SERPINB8: variants seen among roughly 807,000 people sequenced by gnomAD.
SERPINB8 encodes serpin B8.
A neutral mutation model predicts 35.3 loss-of-function variants in SERPINB8; 25 were observed. That is an observed-to-expected ratio of 0.71 (90% CI 0.52 to 0.99). SERPINB8 has a LOEUF of 0.99. SERPINB8 is among the 50% of genes least tolerant of loss of function. SERPINB8 has a pLI of 0.00. For synonymous variants in SERPINB8, 186 were observed against 160.8 expected, an observed-to-expected ratio of 1.16 and a Z score of -1.19; for missense variants, 484 against 446.5, an observed-to-expected ratio of 1.08 and a Z score of -0.76.
downstream of SERPINB8, among the ~76,000 whole-genome samples, chr18:63,990,493 T>G (rs1032806909): frequency 5.3e-5 from 8 of 152,336 alleles, no homozygotes; most frequent in African/African-American, 1.9e-4. Flanking sequence ...CATTTCTTTT[T>G]TTTTTCAATC....
At chr18:64,018,831 G>A (rs1209621619) in intron 7 of SERPINB8, 1 of 152,138 alleles carries the variant, frequency 6.6e-6, no homozygotes, top group African/African-American at 2.4e-5. Context: ...AAGATCATCA[G>A]AATACTTCAG....
intron 6 of SERPINB8, 149 bp from the exon 7 acceptor site, chr18:63,986,725 G>A (rs1568277498): frequency 1.6e-5 from 22 of 1,404,120 alleles, no homozygotes; most frequent in Non-Finnish European, 2.1e-5. Context: ...GAAAATCTTG[G>A]TGTGTTTATA....
chr18:64,012,622 TA>T (rs947825826), intron 7 of SERPINB8, among the ~76,000 whole-genome samples: 4 of 152,046 alleles, frequency 2.6e-5, no homozygotes, highest in African/African-American at 9.7e-5. Context: ...TTGAGTTAGC[TA>T]AAAATCCTAT....
chr18:63,993,632 A>G (rs2050834887), downstream of SERPINB8, among the ~76,000 whole-genome samples: 1 of 152,210 alleles, frequency 6.6e-6, no homozygotes, highest in African/African-American at 2.4e-5. Flanking sequence ...TGTTCTAGCA[A>G]TTGTTGAGAG....
In SERPINB8 at chr18:63,985,118, T is replaced by G. The variant is rs1475190376; in HGVS notation, c.593T>G (p.Phe198Cys). The G allele has an allele frequency of 1.2e-6, 2 of 1,614,056 alleles. No individual in the cohort carries two copies. The highest frequency in any genetic ancestry group is 2.7e-5 in the African/African-American group (2 of 74,916). ...NEEKKTVQMM[F>C]KEAKFKMGYA... ...GAAAAAAAGACAGTGCAGATGATGTTTAAGGAAGCTAAGTTTAAAATGGGG... is the reference window on the plus strand; with the variant it reads ...GAAAAAAAGACAGTGCAGATGATGTGTAAGGAAGCTAAGTTTAAAATGGGG... The change falls in exon 6 of 7, where the codon TTT becomes TGT. Residue 198 changes from phenylalanine (F) to cysteine (C), a missense_variant. Phe to Cys is a radical substitution (Grantham distance 205). Transcript: ENST00000397985.
At chr18:63,981,931 C>G (rs1194407946) in intron 4 of SERPINB8, 93 bp downstream of exon 4, 11 of 816,516 alleles carry the variant, frequency 1.3e-5, no homozygotes, top group African/African-American at 1.7e-5. Context: ...GCCACTGTGA[C>G]CTGCATACCA....
At chr18:63,989,860 G>A (rs1311908477), downstream of SERPINB8, among the ~76,000 whole-genome samples, 3 of 143,602 alleles carry the variant, frequency 2.1e-5, no homozygotes, top group Non-Finnish European at 4.5e-5. Context: ...GGAGAATGGC[G>A]TGAACCCGGG....
rs2050704952 is a variant in SERPINB8 at position 63,983,577 on chromosome 18, A to C, written c.425-2A>C. On this transcript the variant is annotated splice_acceptor_variant, in intron 4 of 6. Coordinates refer to ENST00000397985, the MANE Select transcript of SERPINB8 (RefSeq NM_002640.4). LOFTEE classifies it high-confidence loss of function. ...TGCAATAAACTCTCATATTCTTTAT[A>C]GGTAAGATTTCAGAGGTACTGGATG... 6.2e-7 allele frequency: 1 copy of C among 1,613,104 alleles called. No homozygotes were observed. The highest frequency in any genetic ancestry group is 8.5e-7 in the Non-Finnish European group (1 of 1,179,422).
chr18:63,990,870 A>G (rs1000103370), downstream of SERPINB8, among the ~76,000 whole-genome samples: 1 of 152,192 alleles, frequency 6.6e-6, no homozygotes, highest in Non-Finnish European at 1.5e-5. Flanking sequence ...GCCTAATCCA[A>G]AGTCACAAGG....
rs563635084 is a variant in SERPINB8 at position 63,996,537 on chromosome 18, C to T, written c.71-8282C>T. Among the ~76,000 whole-genome samples, 47 of 152,216 alleles carry T rather than the reference C, an allele frequency of 3.1e-4. No individual in the cohort carries two copies. In the Middle Eastern group the frequency reaches 0.014, roughly 44 times the overall value. On this transcript the variant is annotated intron_variant, in intron 1 of 1. Coordinates refer to the SERPINB8 transcript ENST00000493661. ...CCTTTAATGTCCTTTCACAAAGTGA[C>T]CTAAATTCCCCACATAGCTGCCATC... is the stretch of plus-strand genomic sequence containing the variant.
chr18:64,009,330 T>C (rs1198827107), downstream of SERPINB8, among the ~76,000 whole-genome samples: 1 of 152,324 alleles, frequency 6.6e-6, no homozygotes, highest in East Asian at 1.9e-4. Context: ...TCTGTGGAAC[T>C]TGAAAAATGT....
chr18:64,002,400 G>A (rs902478304), intron 1 of SERPINB8, among the ~76,000 whole-genome samples: 3 of 152,092 alleles, frequency 2.0e-5, no homozygotes, highest in Non-Finnish European at 2.9e-5. Flanking sequence ...ATAGGAGTCC[G>A]CCACCCTCCC....
downstream of SERPINB8, among the ~76,000 whole-genome samples, chr18:64,008,908 T>C (rs375667110): frequency 6.6e-6 from 1 of 152,110 alleles, no homozygotes; most frequent in Non-Finnish European, 1.5e-5. Flanking sequence ...ATCTGAGACG[T>C]GGTTATAATA....
At chr18:63,975,045 A>T (rs2050559373) in intron 1 of SERPINB8, among the ~76,000 whole-genome samples, 1 of 152,112 alleles carries the variant, frequency 6.6e-6, no homozygotes, top group South Asian at 2.1e-4. Flanking sequence ...TTGATGCAAT[A>T]GTTCAGTTCA....
chr18:63,978,211 T>C (rs2050612523), intron 1 of SERPINB8, 88 bp from the exon 2 acceptor site: 4 of 1,429,986 alleles, frequency 2.8e-6, no homozygotes. Flanking sequence ...ACCTACCACC[T>C]CAGCGTCCAC....
exon 8 of SERPINB8, chr18:64,018,984 T>C (rs2050963305): frequency 6.6e-6 from 1 of 151,992 alleles, no homozygotes; most frequent in African/African-American, 2.4e-5. Context: ...GATGCATGAG[T>C]GCCAACTACA....
rs756193388 is a variant in SERPINB8, at chr18:63,978,526, T to A, written c.168+50T>A. 2.5e-6 allele frequency: 4 copies of A among 1,595,354 alleles called. No homozygotes were observed. In the African/African-American group the frequency reaches 5.4e-5, roughly 21 times the overall value. On this transcript the variant is annotated intron_variant, in intron 2 of 6. Coordinates refer to ENST00000397985, the MANE Select transcript of SERPINB8 (RefSeq NM_002640.4). ...GGAGAACAGTGTGTTTCCCTTGTGC[T>A]TCCATACAGCTGTCTTTCTGTACTT... is the stretch of plus-strand genomic sequence containing the variant.
chr18:63,981,607 A>G (rs1021871046), intron 3 of SERPINB8, 114 bp from the exon 4 acceptor site: 4 of 719,734 alleles, frequency 5.6e-6, no homozygotes, highest in Non-Finnish European at 9.6e-6. Context: ...CTTGAAGTGG[A>G]GTGTGACCTG....
At chr18:64,013,771 A>ACATAAT (rs1433070625) in intron 7 of SERPINB8, among the ~76,000 whole-genome samples, 1 of 152,190 alleles carries the variant, frequency 6.6e-6, no homozygotes, top group African/African-American at 2.4e-5. Flanking sequence ...TAATGGGGAA[A>ACATAAT]GGTGTTCCGG....
Sources: gnomAD v4.1 joint callset for allele counts (sites outside exome capture counted in the v4.1 genomes callset) on GRCh38, gnomAD v4.1.1 for gene constraint, MANE v1.5 for transcripts, NCBI Gene and HGNC (gene_info 2026-07-23, HGNC 2026-07-21) for gene names.